The following NEDD4 variants were observed in gnomAD, a reference collection of about 807,000 sequenced individuals.
NEDD4 encodes the protein NEDD4 E3 ubiquitin protein ligase.
Under a neutral mutation model 144.9 loss-of-function variants are expected in NEDD4, and 99 were observed. The ratio of observed to expected loss-of-function variants is 0.68; its 90% CI spans 0.58 to 0.81. NEDD4 has a LOEUF of 0.81. Ranked by LOEUF, NEDD4 falls within the 30% of genes least tolerant of loss-of-function variation. The probability of loss-of-function intolerance (pLI) is 0.00; values close to 1 mark genes in which losing one functional copy is unlikely to be tolerated. For synonymous variants in NEDD4, 318 were observed against 350.6 expected (o/e 0.91, Z 1.04); for missense variants, 985 against 1,065.9 (o/e 0.92, Z 1.06).
intron 5 of NEDD4, among the ~76,000 whole-genome samples, chr15:55,885,262 T>G (rs963514635): frequency 6.6e-6 from 1 of 152,098 alleles, no homozygotes; most frequent in Non-Finnish European, 1.5e-5. Flanking sequence ...ACCTGAGGGA[T>G]TTCATCAATA....
chr15:55,916,810 GCAATCGTAAGCTTTGTGCC>G, intron 5 of NEDD4: 1 of 1,602,786 alleles, frequency 6.2e-7, no homozygotes, highest in Non-Finnish European at 8.5e-7. Flanking sequence ...GCTGCAAAGT[GCAATCGTAAGCTTTGTGCC>G]ATTTGTTCTC....
At chr15:55,838,077 C>A (rs757453375) in intron 23 of NEDD4, 30 bp downstream of exon 23, 1 of 1,291,624 alleles carries the variant, frequency 7.7e-7, no homozygotes, top group South Asian at 1.3e-5. Context: ...AAATTATATC[C>A]AATAAAATAC....
intron 1 of NEDD4, among the ~76,000 whole-genome samples, chr15:55,976,179 T>G (rs939503477): frequency 1.1e-4 from 16 of 152,310 alleles, no homozygotes; most frequent in African/African-American, 3.6e-4. Flanking sequence ...AAAACTTTCT[T>G]GAGTAATACC....
rs1555404578 is a variant in NEDD4 at position 55,923,657 on chromosome 15, A to AT, written c.291+988_291+989insA. Among the ~76,000 whole-genome samples the AT allele has an allele frequency of 9.7e-3, 1,256 of 129,154 alleles. 8 individuals carry two copies. Among genetic ancestry groups the AT allele is most frequent in the African/African-American group, 0.016 (525 of 32,002 alleles). The allele number at this position is 129,154 out of a possible 152,430, so 84.7% of individuals were successfully genotyped here. A position where few individuals can be genotyped will look rare whatever the true frequency, so the allele number is the denominator to read the frequency against. On this transcript the variant is annotated intron_variant, in intron 5 of 28. Transcript: ENST00000435532. ...CGAGACTCCATCTCAAAAAAAAAAA[A>AT]AAATATATATATATATAGCAAGTCA...
intron 4 of NEDD4, among the ~76,000 whole-genome samples, chr15:55,950,971 A>G (rs1039322904): frequency 6.6e-6 from 1 of 152,210 alleles, no homozygotes; most frequent in African/African-American, 2.4e-5. Context: ...TTTATGGTAA[A>G]TGAGGCAGAT....
At chr15:55,921,287 T>C (rs1041704011) in intron 5 of NEDD4, among the ~76,000 whole-genome samples, 1 of 152,130 alleles carries the variant, frequency 6.6e-6, no homozygotes, top group African/African-American at 2.4e-5. Flanking sequence ...AGGATTATAA[T>C]AGAATTTCTT....
chr15:55,916,149 G>A, intron 5 of NEDD4: 1 of 1,613,834 alleles, frequency 6.2e-7, no homozygotes, highest in Non-Finnish European at 8.5e-7. Flanking sequence ...TGTACTTCTT[G>A]AAAAAATTTC....
intron 5 of NEDD4, among the ~76,000 whole-genome samples, chr15:55,909,021 A>C (rs1409377765): frequency 6.6e-6 from 1 of 152,210 alleles, no homozygotes; most frequent in Non-Finnish European, 1.5e-5. Flanking sequence ...CTATATCATC[A>C]ATATCTTGCT....
chr15:55,959,215 T>A (rs1270050007), intron 2 of NEDD4, among the ~76,000 whole-genome samples: 2 of 152,168 alleles, frequency 1.3e-5, no homozygotes, highest in Non-Finnish European at 2.9e-5. Flanking sequence ...GATATTGCTG[T>A]ATTTTCATTT....
intron 6 of NEDD4, among the ~76,000 whole-genome samples, chr15:55,873,722 C>T (rs2034889710): frequency 6.6e-6 from 1 of 152,132 alleles, no homozygotes; most frequent in Non-Finnish European, 1.5e-5. Context: ...AATGTTTTCA[C>T]AATGCCAACA....
chr15:55,988,961 C>G (rs1406761638), intron 1 of NEDD4, among the ~76,000 whole-genome samples: 1 of 152,104 alleles, frequency 6.6e-6, no homozygotes. Flanking sequence ...ATAGGACGGG[C>G]GCGGTGCCTC....
rs762703934 is a variant in NEDD4, at chr15:55,829,775, A to T, written c.*122T>A. 2 of 619,668 alleles carry T rather than the reference A, an allele frequency of 3.2e-6. No homozygotes were observed. Among genetic ancestry groups the T allele is most frequent in the Non-Finnish European group, 5.6e-6 (2 of 355,446 alleles). 38.4% of individuals were successfully genotyped at this position (619,668 alleles called of 1,614,324 possible). On this transcript the variant is annotated 3_prime_UTR_variant, in exon 29 of 29. Coordinates refer to ENST00000435532, the MANE Select transcript of NEDD4 (RefSeq NM_006154.4). ...TATTTCTTCAAATGCTTTTTATATG[A>T]TTTTCTTCAAGATCTGGGAAGACTC...
At chr15:55,933,092 C>A (rs1282820198) in intron 4 of NEDD4, among the ~76,000 whole-genome samples, 1 of 152,270 alleles carries the variant, frequency 6.6e-6, no homozygotes, top group East Asian at 1.9e-4. Flanking sequence ...GGACTGTAAA[C>A]TAGTTCAACC....
At chr15:55,978,099 A>G (rs901351952) in intron 1 of NEDD4, among the ~76,000 whole-genome samples, 4 of 152,166 alleles carry the variant, frequency 2.6e-5, no homozygotes, top group Admixed American at 1.3e-4. Flanking sequence ...GTTAATCCAT[A>G]TTTGTGGAGC....
intron 5 of NEDD4, among the ~76,000 whole-genome samples, chr15:55,912,629 A>G (rs2036312361): frequency 6.6e-6 from 1 of 152,154 alleles, no homozygotes; most frequent in Non-Finnish European, 1.5e-5. Context: ...GAAACAAAAT[A>G]ACAGTAGAGA....
In NEDD4 at chr15:55,872,470, T is replaced by C; in HGVS notation, c.349A>G (p.Asn117Asp). 6.9e-7 allele frequency: 1 copy of C among 1,442,612 alleles called. No homozygotes were observed. The highest frequency in any genetic ancestry group is 9.3e-7 in the Non-Finnish European group (1 of 1,075,170). 89.4% of individuals were successfully genotyped at this position (1,442,612 alleles called of 1,614,324 possible). Residue 117 changes from asparagine (N) to aspartate (D), a missense_variant, in exon 7 of 29, where the codon AAT (asparagine) becomes GAT (aspartate). Physicochemically the swap from Asn to Asp is conservative, Grantham distance 23. Transcript: ENST00000435532. ...DVPLYPLPTE[N>D]PRLERPYTFK... ...GTATATGGTCTCTCCAATCTTGGAT[T>C]TTCTGTCTAGAATAAAATAGTGGGT...
rs765569019 is a variant in NEDD4, at chr15:55,838,518, A to C, written c.2118T>G (p.Leu706=). The C allele has an allele frequency of 9.9e-6, 16 of 1,610,950 alleles. No homozygotes were observed. The East Asian group carries it at 3.6e-4, about 36-fold the overall frequency. Residue 706 remains leucine, a synonymous_variant, in exon 22 of 29, where the codon CTT becomes CTG. Transcript: ENST00000435532. ...ATCAAAATTCACAAACCTGTCCAAA[A>C]AGTTCTTCATCTATGATAAACCTGA... ...LDLRFIIDEE[L]FGQTHQHELK...
intron 1 of NEDD4, among the ~76,000 whole-genome samples, chr15:55,986,451 G>A (rs1327645623): frequency 2.6e-5 from 4 of 152,040 alleles, no homozygotes; most frequent in Non-Finnish European, 4.4e-5. Flanking sequence ...TGATGCATGC[G>A]AAGAACACAG....
At chr15:55,924,316 G>A (rs1484234447) in intron 5 of NEDD4, 2 of 227,060 alleles carry the variant, frequency 8.8e-6, no homozygotes, top group South Asian at 2.0e-4. Context: ...GATTCCCAGA[G>A]CCATGGAGTA....
Sources: gnomAD v4.1 joint callset for allele counts (sites outside exome capture counted in the v4.1 genomes callset) on GRCh38, gnomAD v4.1.1 for gene constraint, MANE v1.5 for transcripts, NCBI Gene and HGNC (gene_info 2026-07-23, HGNC 2026-07-21) for gene names.